The following AR variants were observed in gnomAD, a reference collection of about 807,000 sequenced individuals.
AR encodes the protein androgen receptor, also known as dihydrotestosterone receptor.
AR carries 8 observed loss-of-function variants against 53.9 expected under a neutral mutation model. The ratio of observed to expected loss-of-function variants is 0.15; its 90% confidence interval spans 0.09 to 0.27. The LOEUF (loss-of-function observed/expected upper bound fraction) is 0.27. AR is among the 10% of genes least tolerant of loss of function. The pLI is 1.00. For synonymous variants in AR, 359 were observed against 316.4 expected, an observed-to-expected ratio of 1.13 and a Z score of -1.43; for missense variants, 639 against 742.5, an observed-to-expected ratio of 0.86 and a Z score of 1.62.
chrX:67,596,747 G>A (rs1473735689), intron 1 of AR, among the ~76,000 whole-genome samples: 2 of 111,940 alleles, frequency 1.8e-5, no homozygotes, highest in Admixed American at 1.9e-4. Flanking sequence ...AGAGAAACTA[G>A]TTGGGCCATG....
At chrX:67,685,937 C>G (rs1301033644) in intron 2 of AR, 73 bp from the exon 3 acceptor site, 1 of 1,195,865 alleles carries the variant, frequency 8.4e-7, no homozygotes, top group Non-Finnish European at 1.1e-6. Flanking sequence ...CTTTTCTGTT[C>G]TAGAAATACC....
In AR at chrX:67,546,196, C is replaced by G. The variant is rs776887144; in HGVS notation, c.1050C>G (p.Ser350=). Residue 350 remains serine, a synonymous_variant, in exon 1 of 8, where the codon TCC becomes TCG. Coordinates refer to ENST00000374690, the MANE Select transcript of AR (RefSeq NM_000044.6). ...CGTCTACCCTGTCTCTCTACAAGTCCGGAGCACTGGACGAGGCAGCTGCGT... is the reference window on the plus strand; with the variant it reads ...CGTCTACCCTGTCTCTCTACAAGTCGGGAGCACTGGACGAGGCAGCTGCGT... The part of the protein sequence containing the change: ...ELPSTLSLYK[S]GALDEAAAYQ... 4 of 1,211,926 alleles carry G rather than the reference C, an allele frequency of 3.3e-6. No individual in the cohort carries two copies. The highest frequency in any genetic ancestry group is 1.8e-5 in the South Asian group (1 of 57,017).
At chrX:67,552,676 A>G (rs1472873257) in intron 1 of AR, among the ~76,000 whole-genome samples, 1 of 112,139 alleles carries the variant, frequency 8.9e-6, no homozygotes, top group African/African-American at 3.2e-5. Flanking sequence ...ATGGGGGTCC[A>G]TTTCTTCCAC....
chrX:67,649,645 CAT>C (rs1448789357), intron 2 of AR, among the ~76,000 whole-genome samples: 2 of 112,256 alleles, frequency 1.8e-5, no homozygotes, highest in Non-Finnish European at 3.8e-5. Flanking sequence ...AGCTTTTTTT[CAT>C]ATGTTTGTTG....
intron 1 of AR, among the ~76,000 whole-genome samples, chrX:67,623,741 T>A (rs1233074206): frequency 9.0e-6 from 1 of 111,151 alleles, no homozygotes; most frequent in Non-Finnish European, 1.9e-5. Flanking sequence ...AAAACTTTAG[T>A]CAGATTGAAT....
intron 1 of AR, among the ~76,000 whole-genome samples, chrX:67,641,078 C>T (rs181012984): frequency 1.8e-5 from 2 of 111,605 alleles, no homozygotes; most frequent in Admixed American, 1.9e-4. Context: ...TTGAGTTGAA[C>T]CATTGTACCT....
At chrX:67,631,786 T>C (rs1251543570) in intron 1 of AR, among the ~76,000 whole-genome samples, 1 of 112,416 alleles carries the variant, frequency 8.9e-6, no homozygotes, top group African/African-American at 3.2e-5. Flanking sequence ...ACTTTTGGTG[T>C]TTGATGATGG....
At chrX:67,567,904 G>A (rs1188662747) in intron 1 of AR, among the ~76,000 whole-genome samples, 1 of 111,622 alleles carries the variant, frequency 9.0e-6, no homozygotes, top group Non-Finnish European at 1.9e-5. Context: ...TTTTCTAAAA[G>A]CCTGTGCATG....
intron 3 of AR, among the ~76,000 whole-genome samples, chrX:67,709,854 G>C (rs916542459): frequency 4.5e-5 from 5 of 111,772 alleles, no homozygotes; most frequent in Non-Finnish European, 9.4e-5. Context: ...GTCATATGTT[G>C]AGCCCAAAAT....
intron 1 of AR, among the ~76,000 whole-genome samples, chrX:67,632,051 A>G (rs1325694411): frequency 8.9e-6 from 1 of 112,636 alleles, no homozygotes; most frequent in Admixed American, 9.3e-5. Context: ...AAGCTGTCCA[A>G]CAGGGACATT....
intron 2 of AR, among the ~76,000 whole-genome samples, chrX:67,660,039 T>A (rs1926802571): frequency 8.9e-6 from 1 of 112,198 alleles, no homozygotes; most frequent in Non-Finnish European, 1.9e-5. Context: ...TTCATATCCT[T>A]TGCCCACTTT....
intron 2 of AR, among the ~76,000 whole-genome samples, chrX:67,668,946 T>C (rs746654627): frequency 8.9e-6 from 1 of 111,890 alleles, no homozygotes; most frequent in African/African-American, 3.2e-5. Context: ...TTTCTCTTTT[T>C]TTCTTAGTCT....
At chrX:67,609,966 T>A (rs1386623191) in intron 1 of AR, among the ~76,000 whole-genome samples, 6 of 111,602 alleles carry the variant, frequency 5.4e-5, no homozygotes, top group African/African-American at 2.0e-4. Context: ...GAAACGTAGA[T>A]TTCTAGAGGC....
At chrX:67,639,077 C>G (rs957780927) in intron 1 of AR, among the ~76,000 whole-genome samples, 1 of 111,787 alleles carries the variant, frequency 8.9e-6, no homozygotes, top group African/African-American at 3.3e-5. Context: ...ATAGGGAATC[C>G]TTTCCCCATT....
intron 2 of AR, among the ~76,000 whole-genome samples, chrX:67,681,889 T>C (rs964843070): frequency 8.0e-5 from 9 of 112,318 alleles, no homozygotes; most frequent in African/African-American, 2.9e-4. Flanking sequence ...ACCAAGGATG[T>C]GATAAAGACT....
intron 3 of AR, among the ~76,000 whole-genome samples, chrX:67,687,821 T>C (rs1167218269): frequency 1.8e-5 from 2 of 112,138 alleles, no homozygotes; most frequent in African/African-American, 3.2e-5. Flanking sequence ...GCAGGTAAAG[T>C]TTAATGGTAA....
chrX:67,548,805 T>C (rs749461665), intron 1 of AR, among the ~76,000 whole-genome samples: 13 of 112,270 alleles, frequency 1.2e-4, no homozygotes, highest in Non-Finnish European at 2.3e-4. Context: ...TTATCATATC[T>C]TGGTGCCTCC....
intron 1 of AR, among the ~76,000 whole-genome samples, chrX:67,636,496 C>A: frequency 9.0e-6 from 1 of 111,592 alleles, no homozygotes; most frequent in East Asian, 2.8e-4. Flanking sequence ...CGATTCCATT[C>A]CTTTTCATTG....
At chrX:67,698,571 C>A (rs2076030229) in intron 3 of AR, among the ~76,000 whole-genome samples, 1 of 112,734 alleles carries the variant, frequency 8.9e-6, no homozygotes, top group Non-Finnish European at 1.9e-5. Context: ...ATAAGCACTG[C>A]ACACATGCAT....
Sources: allele counts gnomAD v4.1 joint callset (sites outside exome capture counted in the v4.1 genomes callset), GRCh38; gene constraint gnomAD v4.1.1; transcripts MANE v1.5; gene names NCBI Gene and HGNC (gene_info 2026-07-23, HGNC 2026-07-21).